The following LMOD1 variants were observed in gnomAD, a reference collection of about 807,000 sequenced individuals.
LMOD1 encodes leiomodin 1.
A neutral mutation model predicts 36.5 loss-of-function variants in LMOD1; 8 were observed. The observed-to-expected ratio is 0.22, with a 90% CI of 0.13 to 0.40. The LOEUF is 0.40. Among genes scored for constraint, LMOD1 ranks in the 10% least tolerant of loss-of-function variants. LMOD1 has a pLI of 1.00. For synonymous variants in LMOD1, 284 were observed against 288.7 expected (o/e 0.98, Z 0.17); for missense variants, 630 against 751.1 (o/e 0.84, Z 1.88).
At chr1:201,938,871 G>A (rs532187108) in intron 1 of LMOD1, among the ~76,000 whole-genome samples, 51 of 152,308 alleles carry the variant, frequency 3.3e-4, no homozygotes, top group African/African-American at 1.2e-3. Context: ...AAGCAGCCTT[G>A]GCTTTTCTGA....
At chr1:201,924,192 C>T (rs1240718494) in intron 1 of LMOD1, among the ~76,000 whole-genome samples, 6 of 150,412 alleles carry the variant, frequency 4.0e-5, no homozygotes, top group South Asian at 2.1e-4. Flanking sequence ...GGAGCGGTGG[C>T]GGGCACCTAT....
chr1:201,920,412 T>C (rs1257605079), intron 1 of LMOD1, among the ~76,000 whole-genome samples: 3 of 152,112 alleles, frequency 2.0e-5, no homozygotes, highest in Admixed American at 6.6e-5. Context: ...GACATCATGC[T>C]ACAGGGTCAA....
At chr1:201,924,691 A>G (rs571276825) in intron 1 of LMOD1, among the ~76,000 whole-genome samples, 27 of 119,024 alleles carry the variant, frequency 2.3e-4, no homozygotes, top group African/African-American at 6.8e-4. Flanking sequence ...GAAAGAAAGA[A>G]AGAAAGAAAG....
Position 201,931,833 on chromosome 1 carries a change from C to A in LMOD1, c.261+14247G>T, listed in dbSNP as rs1681928293. Among the ~76,000 whole-genome samples, 4 of 150,222 alleles carry A rather than the reference C, an allele frequency of 2.7e-5. No individual in the cohort carries two copies. In the South Asian group the frequency reaches 8.5e-4, roughly 32 times the overall value. On this transcript the variant is annotated intron_variant, in intron 1 of 2. Transcript: ENST00000367288. ...GGGATGATCACTTGAGCTCAGGAGGCAAGGTTGCAGTGAGCCATAATCATG... is the reference window on the plus strand; with the variant it reads ...GGGATGATCACTTGAGCTCAGGAGGAAAGGTTGCAGTGAGCCATAATCATG...
At chr1:201,923,421 G>A (rs1280011798) in intron 1 of LMOD1, among the ~76,000 whole-genome samples, 2 of 152,248 alleles carry the variant, frequency 1.3e-5, no homozygotes, top group East Asian at 3.9e-4. Context: ...GCAACTTGAG[G>A]TCAAAAGAAA....
Position 201,897,154 on chromosome 1 carries a change from G to T in LMOD1, c.*1218C>A. 1 of 238,246 alleles carries T rather than the reference G, an allele frequency of 4.2e-6. No homozygotes were observed. Among genetic ancestry groups the T allele is most frequent in the Non-Finnish European group, 8.5e-6 (1 of 117,870 alleles). The allele number at this position is 238,246 out of a possible 1,614,324, so 14.8% of individuals were successfully genotyped here. A position where few individuals can be genotyped will look rare whatever the true frequency, so the allele number is the denominator to read the frequency against. On this transcript the variant is annotated 3_prime_UTR_variant, in exon 3 of 3. Coordinates refer to ENST00000367288, the MANE Select transcript of LMOD1 (RefSeq NM_012134.3). ...GGTGGGGAGGGCTGGGGAAGATGAG[G>T]CCCCTCTGAGCCCTAGGGCACACAG... is the stretch of plus-strand genomic sequence containing the variant.
In LMOD1 at chr1:201,900,495, C is replaced by T; in HGVS notation, c.518G>A (p.Gly173Glu). 6.2e-7 allele frequency: 1 copy of T among 1,613,730 alleles called. No individual in the cohort carries two copies. Among genetic ancestry groups the T allele is most frequent in the Non-Finnish European group, 8.5e-7 (1 of 1,179,814 alleles). The change falls in exon 2 of 3, where the codon GGG (glycine) becomes GAG (glutamate). Residue 173 changes from glycine to glutamate, a missense_variant. Around this residue, in one of 3 missense-constraint regions of LMOD1, gnomAD observed 405 missense variants for 400.6 expected, o/e 1.01. Transcript: ENST00000367288. ...CCTCTCCTCTCCTCTCCCATCCTTC[C>T]CTGCCTCCTTCTTATCCACTGCAGC... Reference protein sequence around the residue: ...VRAAVDKKEAGKDGRGEERAV... With the variant: ...VRAAVDKKEAEKDGRGEERAV...
At chr1:201,934,665 C>T (rs1681986828) in intron 1 of LMOD1, among the ~76,000 whole-genome samples, 1 of 152,148 alleles carries the variant, frequency 6.6e-6, no homozygotes, top group Non-Finnish European at 1.5e-5. Flanking sequence ...AATCCTTATC[C>T]ATATTCTCTC....
intron 1 of LMOD1, among the ~76,000 whole-genome samples, chr1:201,921,000 G>T (rs902147875): frequency 2.0e-5 from 3 of 152,220 alleles, no homozygotes; most frequent in Admixed American, 2.0e-4. Flanking sequence ...CTAGGGTACA[G>T]TTAATAAGAT....
At position 201,908,845 on chromosome 1, in the gene LMOD1, G is replaced by A. The variant is rs539635104; in HGVS notation, c.262-8094C>T. On this transcript the variant is annotated intron_variant, in intron 1 of 2. Transcript: ENST00000367288. The stretch of plus-strand genomic sequence containing the variant: ...GCTCTTCCCACATGGCCCCAGCATG[G>A]CCCCTCAACTCCAGAGCCCTCAGAG... Among the ~76,000 whole-genome samples the A allele has an allele frequency of 3.3e-5, 5 of 152,292 alleles. No homozygotes were observed. The South Asian group carries it at 6.2e-4, about 19-fold the overall frequency.
chr1:201,931,592 C>T (rs1332304952), intron 1 of LMOD1, among the ~76,000 whole-genome samples: 1 of 148,398 alleles, frequency 6.7e-6, no homozygotes. Flanking sequence ...GAGAGAAAGG[C>T]GAAAACTTGC....
intron 1 of LMOD1, among the ~76,000 whole-genome samples, chr1:201,916,052 C>T (rs986813469): frequency 6.6e-6 from 1 of 151,892 alleles, no homozygotes; most frequent in Non-Finnish European, 1.5e-5. Flanking sequence ...TAGGTAGCTG[C>T]TACTACAGGC....
rs115790616 is a variant in LMOD1, at chr1:201,942,774, C to T, written c.261+3306G>A. Among the ~76,000 whole-genome samples, 1,057 of 152,110 alleles carry T rather than the reference C, an allele frequency of 6.9e-3. 8 individuals are homozygous for T. The highest frequency in any genetic ancestry group is 0.024 in the African/African-American group (995 of 41,484). On this transcript the variant is annotated intron_variant, in intron 1 of 2. Coordinates refer to ENST00000367288, the MANE Select transcript of LMOD1 (RefSeq NM_012134.3). Reference sequence around the variant, plus strand: ...CCCATGTAGACCCATCACCCAGCTTCAACAATTGTCAACTGGTGGCCAATC... The same window carrying T: ...CCCATGTAGACCCATCACCCAGCTTTAACAATTGTCAACTGGTGGCCAATC...
At chr1:201,900,825 G>C in intron 1 of LMOD1, 74 bp from the exon 2 acceptor site, 2 of 1,344,486 alleles carry the variant, frequency 1.5e-6, no homozygotes, top group South Asian at 1.5e-5. Context: ...GGGGATGTGT[G>C]GGGGAGCGCT....
intron 1 of LMOD1, among the ~76,000 whole-genome samples, chr1:201,924,667 AAGAAAGAAAGAAAGAAAG>A (rs1681788278): frequency 1.7e-4 from 1 of 5,860 alleles, no homozygotes; most frequent in Non-Finnish European, 3.9e-4. Context: ...AAAGAAAAAA[AAGAAAGAAAGAAAGAAAG>A]AAAGAAAGAA....
intron 1 of LMOD1, among the ~76,000 whole-genome samples, chr1:201,939,764 G>C (rs1249066712): frequency 1.4e-5 from 2 of 146,276 alleles, no homozygotes; most frequent in African/African-American, 4.9e-5. Flanking sequence ...CTCCTGCTGT[G>C]TGTGTGTGTG....
chr1:201,924,549 CAAGGAAGGAGGGAGGGAGGGAAGGAAGG>C (rs1408134727), intron 1 of LMOD1, among the ~76,000 whole-genome samples: 261 of 35,570 alleles, frequency 7.3e-3, no homozygotes, highest in African/African-American at 0.013. Flanking sequence ...AGGAAGGAAG[CAAGGAAGGAGGGAGGGAGGGAAGGAAGG>C]AAGGAAGGAG....
intron 1 of LMOD1, among the ~76,000 whole-genome samples, chr1:201,922,432 C>G (rs1353375664): frequency 1.3e-5 from 2 of 152,192 alleles, no homozygotes; most frequent in African/African-American, 2.4e-5. Context: ...GTACCATGCT[C>G]TATCATGGAT....
chr1:201,946,230 G>C lies in LMOD1; in HGVS notation c.111C>G (p.Asp37Glu). 1 of 1,613,990 alleles carries C rather than the reference G, an allele frequency of 6.2e-7. No individual in the cohort carries two copies. Among genetic ancestry groups the C allele is most frequent in the Non-Finnish European group, 8.5e-7 (1 of 1,179,896 alleles). Residue 37 changes from aspartate (D) to glutamate (E), a missense_variant, in exon 1 of 3, where the codon GAC becomes GAG. Transcript: ENST00000367288. Reference protein sequence around the residue: ...EEMEELEKELDVVDPDGSVPV... With the variant: ...EEMEELEKELEVVDPDGSVPV... ...GAACACTCCCGTCTGGGTCCACCAC[G>C]TCCAGCTCCTTCTCCAGCTCCTCCA...
Sources: gnomAD v4.1 joint callset for allele counts (sites outside exome capture counted in the v4.1 genomes callset) on GRCh38, gnomAD v4.1.1 for gene constraint, gnomAD v4.1.1 regional missense constraint, MANE v1.5 for transcripts, NCBI Gene and HGNC (gene_info 2026-07-23, HGNC 2026-07-21) for gene names.